NLGN1: variants seen among roughly 807,000 people sequenced by gnomAD.
NLGN1 encodes the protein neuroligin-1.
Under a neutral mutation model 65.5 loss-of-function variants are expected in NLGN1, and 12 were observed. That is an observed-to-expected ratio of 0.18 (90% CI 0.12 to 0.30). The LOEUF (loss-of-function observed/expected upper bound fraction) is 0.30. Ranked by LOEUF, NLGN1 falls within the 10% of genes least tolerant of loss-of-function variation. The pLI, the probability that NLGN1 is intolerant of heterozygous loss-of-function variation, is 1.00. For synonymous variants in NLGN1, 350 were observed against 359.5 expected, an observed-to-expected ratio of 0.97 and a Z score of 0.30; for missense variants, 750 against 1,007.1, an observed-to-expected ratio of 0.74 and a Z score of 3.46.
Position 173,592,282 on chromosome 3 carries a change from CAAAAT to C in NLGN1, c.-320-11993_-320-11989del, listed in dbSNP as rs1402374090. Reference sequence around the variant, plus strand: ...TTTTCAGCCCTCCTCTTCAGAATAACAAAATAAAGAAGAAGCTGTCTAATATTTCG... The same window carrying C: ...TTTTCAGCCCTCCTCTTCAGAATAACAAAGAAGAAGCTGTCTAATATTTCG... On this transcript the variant is annotated intron_variant, in intron 2 of 6. Transcript: ENST00000457714. 3.9e-5 allele frequency among the ~76,000 whole-genome samples: 6 copies of C among 151,990 alleles called. No individual in the cohort carries two copies. The South Asian group carries it at 1.0e-3, about 26-fold the overall frequency.
At chr3:174,145,171 A>G (rs1186278303) in intron 4 of NLGN1, among the ~76,000 whole-genome samples, 5 of 152,098 alleles carry the variant, frequency 3.3e-5, no homozygotes, top group Non-Finnish European at 5.9e-5. Flanking sequence ...TCCTTTCCCC[A>G]TTGCTTGTTT....
intron 3 of NLGN1, among the ~76,000 whole-genome samples, chr3:173,724,248 C>T (rs1381835939): frequency 6.6e-6 from 1 of 152,154 alleles, no homozygotes; most frequent in African/African-American, 2.4e-5. Flanking sequence ...ATGACATCAC[C>T]TACAATTGTG....
At chr3:173,747,472 C>T (rs1029308535) in intron 3 of NLGN1, among the ~76,000 whole-genome samples, 5 of 149,442 alleles carry the variant, frequency 3.3e-5, no homozygotes, top group East Asian at 1.9e-4. Context: ...ATTTGGTTAA[C>T]GTCTGCATAA....
intron 2 of NLGN1, among the ~76,000 whole-genome samples, chr3:173,456,671 G>T (rs1259152599): frequency 6.6e-6 from 1 of 152,068 alleles, no homozygotes; most frequent in East Asian, 1.9e-4. Context: ...GAACCAGCAG[G>T]ATGTGGAAAA....
intron 3 of NLGN1, among the ~76,000 whole-genome samples, chr3:173,802,147 T>G (rs1208125221): frequency 6.6e-6 from 1 of 152,186 alleles, no homozygotes; most frequent in East Asian, 1.9e-4. Context: ...AATGTGATTT[T>G]TTTTTTCCTT....
intron 3 of NLGN1, among the ~76,000 whole-genome samples, chr3:173,703,175 C>T (rs548243734): frequency 6.6e-6 from 1 of 151,692 alleles, no homozygotes; most frequent in South Asian, 2.1e-4. Context: ...TTATATTAAC[C>T]GAAGTTACAT....
chr3:173,668,619 CTTTTTTTTT>C (rs34649854), intron 3 of NLGN1, among the ~76,000 whole-genome samples: 2 of 132,748 alleles, frequency 1.5e-5, no homozygotes, highest in African/African-American at 5.6e-5. Flanking sequence ...CTTTTCTTTT[CTTTTTTTTT>C]TTTTTTTTTA....
At chr3:174,146,050 A>G (rs1375267528) in intron 4 of NLGN1, among the ~76,000 whole-genome samples, 2 of 152,104 alleles carry the variant, frequency 1.3e-5, no homozygotes, top group Non-Finnish European at 2.9e-5. Flanking sequence ...TACTATTAAT[A>G]TATGCATGTA....
intron 4 of NLGN1, among the ~76,000 whole-genome samples, chr3:174,248,490 T>A (rs1226682762): frequency 6.6e-6 from 1 of 152,238 alleles, no homozygotes; most frequent in Non-Finnish European, 1.5e-5. Flanking sequence ...CTGGGCACGG[T>A]GGCTCACGCC....
intron 4 of NLGN1, among the ~76,000 whole-genome samples, chr3:173,923,899 GA>G: frequency 6.6e-6 from 1 of 151,994 alleles, no homozygotes; most frequent in Non-Finnish European, 1.5e-5. Flanking sequence ...ATATAACTTG[GA>G]AAAAGTTCAA....
chr3:173,957,217 G>A (rs1406344614), intron 4 of NLGN1, among the ~76,000 whole-genome samples: 6 of 152,024 alleles, frequency 3.9e-5, no homozygotes, highest in Non-Finnish European at 8.8e-5. Flanking sequence ...TGGATAAGTT[G>A]TTTATCCAGA....
intron 4 of NLGN1, among the ~76,000 whole-genome samples, chr3:174,198,446 T>C (rs1272090881): frequency 6.6e-6 from 1 of 152,214 alleles, no homozygotes; most frequent in East Asian, 1.9e-4. Context: ...CACAGCTTAT[T>C]TACTTTAGAT....
chr3:173,543,705 A>G (rs1739278665), intron 2 of NLGN1, among the ~76,000 whole-genome samples: 1 of 152,152 alleles, frequency 6.6e-6, no homozygotes, highest in Non-Finnish European at 1.5e-5. Context: ...TGATTCTTTT[A>G]TTTATATGTG....
At chr3:173,687,267 T>A (rs1764824139) in intron 3 of NLGN1, among the ~76,000 whole-genome samples, 1 of 152,250 alleles carries the variant, frequency 6.6e-6, no homozygotes, top group Non-Finnish European at 1.5e-5. Flanking sequence ...ATGCACATTT[T>A]ACTAAAATGA....
intron 4 of NLGN1, among the ~76,000 whole-genome samples, chr3:174,121,502 G>A (rs964419012): frequency 2.0e-5 from 3 of 151,056 alleles, no homozygotes; most frequent in Non-Finnish European, 4.4e-5. Context: ...AAATTAATTA[G>A]CTAATGTAAT....
At chr3:174,015,777 T>C (rs1447446743) in intron 4 of NLGN1, among the ~76,000 whole-genome samples, 3 of 152,144 alleles carry the variant, frequency 2.0e-5, no homozygotes, top group Non-Finnish European at 4.4e-5. Context: ...AAAGTAGAAT[T>C]AGATTCTCTG....
At chr3:173,632,849 G>GT (rs5854526) in intron 3 of NLGN1, among the ~76,000 whole-genome samples, 128 of 116,398 alleles carry the variant, frequency 1.1e-3, no homozygotes, top group African/African-American at 1.4e-3. Flanking sequence ...TTTTTTTTTT[G>GT]TTTTTTTTTT....
intron 4 of NLGN1, among the ~76,000 whole-genome samples, chr3:174,072,976 ATGAC>A (rs1478927995): frequency 6.6e-6 from 1 of 152,160 alleles, no homozygotes. Flanking sequence ...AATAAATTAA[ATGAC>A]TGAGTAAAAC....
intron 4 of NLGN1, among the ~76,000 whole-genome samples, chr3:173,859,243 ATAAC>A (rs1328388157): frequency 1.2e-4 from 19 of 152,252 alleles, no homozygotes; most frequent in Non-Finnish European, 2.1e-4. Context: ...ACATCTTTTA[ATAAC>A]TAACTATGAA....
Sources: gnomAD v4.1 joint callset for allele counts (sites outside exome capture counted in the v4.1 genomes callset) on GRCh38, gnomAD v4.1.1 for gene constraint, MANE v1.5 for transcripts, NCBI Gene and HGNC (gene_info 2026-07-23, HGNC 2026-07-21) for gene names.